The following SMOC1 variants were observed in gnomAD, a reference collection of about 807,000 sequenced individuals.
SMOC1 encodes the protein SPARC related modular calcium binding 1.
Under a neutral mutation model 56.3 loss-of-function variants are expected in SMOC1, and 22 were observed. The observed-to-expected ratio is 0.39, with a 90% confidence interval of 0.28 to 0.56. SMOC1 has a LOEUF of 0.56. Ranked by LOEUF, SMOC1 falls within the 20% of genes least tolerant of loss-of-function variation. The pLI, the probability that SMOC1 is intolerant of heterozygous loss-of-function variation, is 0.61. For synonymous variants in SMOC1, 193 were observed against 215.0 expected (o/e 0.90, Z 0.89); for missense variants, 509 against 565.4 (o/e 0.90, Z 1.01).
chr14:69,994,553 T>C (rs1399329480), intron 7 of SMOC1, 73 bp downstream of exon 7: 2 of 1,163,354 alleles, frequency 1.7e-6, no homozygotes, highest in Non-Finnish European at 2.6e-6. Flanking sequence ...TGACTACTTA[T>C]TGTGTGGGTT....
chr14:69,902,167 C>A (rs1884259718), intron 1 of SMOC1, among the ~76,000 whole-genome samples: 1 of 152,186 alleles, frequency 6.6e-6, no homozygotes, highest in South Asian at 2.1e-4. Context: ...GGTTTGTATG[C>A]TCTAAAGATG....
chr14:69,894,346 C>T (rs1459425414), intron 1 of SMOC1, among the ~76,000 whole-genome samples: 1 of 152,218 alleles, frequency 6.6e-6, no homozygotes, highest in Non-Finnish European at 1.5e-5. Context: ...GTAGCTCTCT[C>T]AGAAGGTGGA....
chr14:70,012,730 G>A (rs774857475), intron 9 of SMOC1, among the ~76,000 whole-genome samples: 6 of 152,212 alleles, frequency 3.9e-5, no homozygotes, highest in Middle Eastern at 3.2e-3. Flanking sequence ...CCCCAGCTAC[G>A]TGGTGTAGAC....
chr14:70,024,940 A>G (rs1173208309), intron 11 of SMOC1, among the ~76,000 whole-genome samples: 1 of 152,160 alleles, frequency 6.6e-6, no homozygotes, highest in Non-Finnish European at 1.5e-5. Context: ...GGCTAGAGTG[A>G]TGGAGGGCCA....
intron 1 of SMOC1, among the ~76,000 whole-genome samples, chr14:69,913,520 A>G (rs867653402): frequency 6.6e-6 from 1 of 152,144 alleles, no homozygotes; most frequent in South Asian, 2.1e-4. Context: ...TATACTAAAC[A>G]ATATATTCCT....
At chr14:70,015,044 G>T (rs1394265492) in intron 10 of SMOC1, among the ~76,000 whole-genome samples, 2 of 152,178 alleles carry the variant, frequency 1.3e-5, no homozygotes, top group Non-Finnish European at 2.9e-5. Context: ...CAATAGCCAA[G>T]ATATGGAAAC....
intron 3 of SMOC1, among the ~76,000 whole-genome samples, chr14:69,961,292 A>ATG (rs1309675577): frequency 8.4e-6 from 1 of 118,762 alleles, no homozygotes; most frequent in Non-Finnish European, 1.8e-5. Flanking sequence ...ATATATATAT[A>ATG]TATATATATA....
chr14:70,011,590 C>CG (rs756910297), intron 9 of SMOC1, 23 bp downstream of exon 9: 1 of 1,606,622 alleles, frequency 6.2e-7, no homozygotes, highest in East Asian at 2.2e-5. Context: ...GCTGCCCTGC[C>CG]GGCGCCATCA....
chr14:69,903,272 C>T (rs1416405131), intron 1 of SMOC1, among the ~76,000 whole-genome samples: 1 of 152,058 alleles, frequency 6.6e-6, no homozygotes, highest in Non-Finnish European at 1.5e-5. Flanking sequence ...CAGCCGCGAC[C>T]CCCTCTGGGA....
At chr14:69,952,789 T>C (rs1349943407) in intron 2 of SMOC1, among the ~76,000 whole-genome samples, 1 of 152,264 alleles carries the variant, frequency 6.6e-6, no homozygotes, top group Non-Finnish European at 1.5e-5. Context: ...TCTGTGTTCC[T>C]ACAAAGCAAC....
chr14:70,030,078 T>C (rs907249081), intron 11 of SMOC1, among the ~76,000 whole-genome samples, 164 bp from the exon 12 acceptor site: 5 of 152,224 alleles, frequency 3.3e-5, no homozygotes, highest in Non-Finnish European at 5.9e-5. Flanking sequence ...CCAGGCAACC[T>C]GTGCCCCACC....
At chr14:69,978,510 G>A (rs988957017) in intron 5 of SMOC1, among the ~76,000 whole-genome samples, 1 of 152,222 alleles carries the variant, frequency 6.6e-6, no homozygotes, top group African/African-American at 2.4e-5. Flanking sequence ...TGATGGGACA[G>A]TGAAGATGCG....
intron 1 of SMOC1, among the ~76,000 whole-genome samples, chr14:69,900,427 A>G (rs890704604): frequency 2.6e-5 from 4 of 152,252 alleles, no homozygotes; most frequent in African/African-American, 9.6e-5. Flanking sequence ...AAAATACAAC[A>G]GGGAACGAGA....
At chr14:69,899,885 C>G (rs1884196673) in intron 1 of SMOC1, among the ~76,000 whole-genome samples, 1 of 152,142 alleles carries the variant, frequency 6.6e-6, no homozygotes. Flanking sequence ...GAGATTTCTG[C>G]CCTGGTAAGC....
intron 1 of SMOC1, among the ~76,000 whole-genome samples, chr14:69,947,412 C>A (rs1228184386): frequency 6.6e-6 from 1 of 152,072 alleles, no homozygotes; most frequent in Admixed American, 6.5e-5. Context: ...TCAAGCAATC[C>A]CACCTTCTTG....
At chr14:70,013,981 C>T (rs1885422769) in intron 10 of SMOC1, among the ~76,000 whole-genome samples, 2 of 152,238 alleles carry the variant, frequency 1.3e-5, no homozygotes, top group Non-Finnish European at 2.9e-5. Flanking sequence ...AAATACAGCT[C>T]AGGTCAGGAA....
At chr14:69,915,853 C>T (rs1446797751) in intron 1 of SMOC1, among the ~76,000 whole-genome samples, 1 of 152,208 alleles carries the variant, frequency 6.6e-6, no homozygotes, top group East Asian at 1.9e-4. Context: ...CCCACTTAGT[C>T]TTATCTCCTG....
intron 10 of SMOC1, among the ~76,000 whole-genome samples, chr14:70,017,655 A>G (rs1051829246): frequency 2.6e-5 from 4 of 152,292 alleles, no homozygotes; most frequent in Middle Eastern, 3.4e-3. Flanking sequence ...CCTGTCAGGC[A>G]TGGAGATGTT....
rs562042342 is a variant in SMOC1, at chr14:69,933,374, T to C, written c.100-18764T>C. Among the ~76,000 whole-genome samples, 68 of 152,260 alleles carry C rather than the reference T, an allele frequency of 4.5e-4. No homozygotes were observed. In the East Asian group the frequency reaches 0.011, roughly 25 times the overall value. ...TCTGAAAAATGAAAGACTTTTTTTT[T>C]CACTACGGTTAGTTAACACATGTAC... is the stretch of plus-strand genomic sequence containing the variant. On this transcript the variant is annotated intron_variant, in intron 1 of 11. Transcript: ENST00000361956.
Sources: gnomAD v4.1 joint callset for allele counts (sites outside exome capture counted in the v4.1 genomes callset) on GRCh38, gnomAD v4.1.1 for gene constraint, MANE v1.5 for transcripts, NCBI Gene and HGNC (gene_info 2026-07-23, HGNC 2026-07-21) for gene names.